The following TNFRSF8 variants were observed in gnomAD, a reference collection of about 807,000 sequenced individuals.
The protein encoded by TNFRSF8 is tumor necrosis factor receptor superfamily member 8.
A neutral mutation model predicts 70.8 loss-of-function variants in TNFRSF8; 26 were observed. That is an observed-to-expected ratio of 0.37 (90% confidence interval 0.27 to 0.51). The LOEUF (loss-of-function observed/expected upper bound fraction) is 0.51. Ranked by LOEUF, TNFRSF8 falls within the 20% of genes least tolerant of loss-of-function variation. The pLI is 0.94. For synonymous variants in TNFRSF8, 356 were observed against 339.2 expected (o/e 1.05, Z -0.54); for missense variants, 720 against 807.9 (o/e 0.89, Z 1.32).
chr1:12,124,181 T>A (rs890121651), intron 10 of TNFRSF8, among the ~76,000 whole-genome samples: 3 of 152,016 alleles, frequency 2.0e-5, no homozygotes, highest in Non-Finnish European at 4.4e-5. Flanking sequence ...AATTTTTTTT[T>A]AATTTTTAGT....
At chr1:12,137,285 A>AC (rs1642163293) in intron 13 of TNFRSF8, among the ~76,000 whole-genome samples, 2 of 151,130 alleles carry the variant, frequency 1.3e-5, no homozygotes, top group Admixed American at 1.3e-4. Flanking sequence ...CATTATTTGT[A>AC]CATAAAATAA....
chr1:12,108,632 C>A lies in TNFRSF8; in HGVS notation c.422-934C>A, dbSNP rs1218450797. Among the ~76,000 whole-genome samples, 1 of 152,070 alleles carries A rather than the reference C, an allele frequency of 6.6e-6. No homozygotes were observed. Among genetic ancestry groups the A allele is most frequent in the Admixed American group, 6.6e-5 (1 of 15,264 alleles). ...GGTCAGGAGTTCGAGACCAGCCTGGCCAACATGGCGAAACCCTGTCTCTAC... is the reference window on the plus strand; with the variant it reads ...GGTCAGGAGTTCGAGACCAGCCTGGACAACATGGCGAAACCCTGTCTCTAC... On this transcript the variant is annotated intron_variant, in intron 4 of 14. Transcript: ENST00000263932. The surrounding 1 kb of genome is among the most constrained non-coding windows in gnomAD (Gnocchi z 4.0).
At chr1:12,099,478 T>A (rs1641383641) in intron 3 of TNFRSF8, among the ~76,000 whole-genome samples, 1 of 152,090 alleles carries the variant, frequency 6.6e-6, no homozygotes, top group African/African-American at 2.4e-5. Flanking sequence ...AGACAGGGTC[T>A]CACTTTGTTG....
Position 12,115,590 on chromosome 1 carries a change from G to A in TNFRSF8, c.807G>A (p.Glu269=). The A allele has an allele frequency of 6.2e-7, 1 of 1,614,204 alleles. No individual in the cohort carries two copies. Among genetic ancestry groups the A allele is most frequent in the Non-Finnish European group, 8.5e-7 (1 of 1,180,042 alleles). ...CVSCSRDDLV[E]KTPCAWNSSR... The stretch of plus-strand genomic sequence containing the variant: ...TGTGTCCCTTAGATGACCTTGTGGA[G>A]AAGACGCCATGTGCATGGAACTCCT... The change falls in exon 8 of 15, where the codon GAG becomes GAA. Residue 269 remains glutamate (E), a synonymous_variant. Coordinates refer to ENST00000263932, the MANE Select transcript of TNFRSF8 (RefSeq NM_001243.5).
chr1:12,136,649 GAAAA>G (rs55656730), intron 13 of TNFRSF8, among the ~76,000 whole-genome samples: 10,062 of 122,352 alleles, frequency 0.082, 477 homozygotes, highest in South Asian at 0.24. Flanking sequence ...GACTCCATCT[GAAAA>G]AAAAAAAAAA....
At chr1:12,064,249 C>A (rs778241220) in intron 1 of TNFRSF8, among the ~76,000 whole-genome samples, 2 of 152,138 alleles carry the variant, frequency 1.3e-5, no homozygotes, top group Non-Finnish European at 2.9e-5. Flanking sequence ...CGCTGGAGCA[C>A]GTGGTGGGCA....
At chr1:12,111,326 C>T (rs1314501865) in intron 6 of TNFRSF8, among the ~76,000 whole-genome samples, 8 of 152,018 alleles carry the variant, frequency 5.3e-5, no homozygotes, top group South Asian at 2.1e-4. Flanking sequence ...GGATTACAGG[C>T]GCCTGCCACC....
At chr1:12,140,503 G>A (rs1642232322) in intron 14 of TNFRSF8, among the ~76,000 whole-genome samples, 1 of 152,140 alleles carries the variant, frequency 6.6e-6, no homozygotes, top group Admixed American at 6.5e-5. Context: ...GAGGGGGCAG[G>A]AAATCCATGC....
intron 1 of TNFRSF8, among the ~76,000 whole-genome samples, chr1:12,078,320 T>C (rs942981001): frequency 7.2e-5 from 11 of 151,952 alleles, no homozygotes; most frequent in Non-Finnish European, 5.9e-5. Flanking sequence ...TCCCAGCACT[T>C]TGGGAGGCTG....
intron 1 of TNFRSF8, among the ~76,000 whole-genome samples, chr1:12,068,233 G>A (rs1640776123): frequency 6.6e-6 from 1 of 152,148 alleles, no homozygotes; most frequent in Non-Finnish European, 1.5e-5. Context: ...GGGGAGTCCT[G>A]GAGGCTTGAG....
chr1:12,068,792 G>A (rs1326332297), intron 1 of TNFRSF8, among the ~76,000 whole-genome samples: 1 of 152,058 alleles, frequency 6.6e-6, no homozygotes, highest in Non-Finnish European at 1.5e-5. Flanking sequence ...CTTGCTCCTT[G>A]CTGAGGCAGC....
chr1:12,099,867 T>C (rs1192068889), intron 3 of TNFRSF8, among the ~76,000 whole-genome samples: 2 of 151,876 alleles, frequency 1.3e-5, no homozygotes, highest in East Asian at 3.9e-4. Context: ...ATAGAAAAGG[T>C]GCAATAAAAA....
chr1:12,117,391 T>C (rs1249719973), intron 8 of TNFRSF8, among the ~76,000 whole-genome samples: 1 of 152,200 alleles, frequency 6.6e-6, no homozygotes, highest in Non-Finnish European at 1.5e-5. Context: ...CCAACAATTG[T>C]CTTCTTGAGT....
chr1:12,084,688 C>G, intron 2 of TNFRSF8, 137 bp downstream of exon 2: 1 of 815,212 alleles, frequency 1.2e-6, no homozygotes, highest in South Asian at 1.7e-5. Context: ...GCAGGTCATT[C>G]CTAGTGTCGC....
chr1:12,131,713 C>G (rs528014331), intron 12 of TNFRSF8, among the ~76,000 whole-genome samples: 5 of 151,476 alleles, frequency 3.3e-5, no homozygotes, highest in African/African-American at 1.2e-4. Flanking sequence ...AGGCTGGTCT[C>G]TAACTCCTGA....
intron 1 of TNFRSF8, 119 bp from the exon 2 acceptor site, chr1:12,084,345 G>A (rs938020315): frequency 4.8e-5 from 43 of 887,440 alleles, no homozygotes; most frequent in African/African-American, 1.5e-4. Flanking sequence ...AGGAGTTCTC[G>A]TCCTGATTTC....
At chr1:12,106,389 C>G (rs1641524667) in intron 4 of TNFRSF8, among the ~76,000 whole-genome samples, 1 of 152,188 alleles carries the variant, frequency 6.6e-6, no homozygotes, top group African/African-American at 2.4e-5. Flanking sequence ...GAGGCCTTCC[C>G]TGGCCTCTCA....
chr1:12,128,266 G>A (rs975687716), intron 12 of TNFRSF8, among the ~76,000 whole-genome samples: 3 of 152,252 alleles, frequency 2.0e-5, no homozygotes, highest in Non-Finnish European at 2.9e-5. Flanking sequence ...GCCCGCAGAG[G>A]CCAAAGGCAG....
chr1:12,093,541 T>G (rs1641280490), intron 2 of TNFRSF8, among the ~76,000 whole-genome samples: 2 of 151,934 alleles, frequency 1.3e-5, no homozygotes, highest in South Asian at 4.1e-4. Context: ...CTCAAGGAGC[T>G]GACTTTTTTT....
Sources: gnomAD v4.1 joint callset for allele counts (sites outside exome capture counted in the v4.1 genomes callset) on GRCh38, gnomAD v4.1.1 for gene constraint, Gnocchi (gnomAD v3.1) non-coding constraint, MANE v1.5 for transcripts, NCBI Gene and HGNC (gene_info 2026-07-23, HGNC 2026-07-21) for gene names.